The following SETD2 variants were observed in gnomAD, a reference collection of about 807,000 sequenced individuals.
SETD2 encodes the protein SET domain containing 2, histone lysine methyltransferase.
SETD2 carries 31 observed loss-of-function variants against 242.1 expected under a neutral mutation model. That is an observed-to-expected ratio of 0.13 (90% CI 0.10 to 0.17). The LOEUF is 0.17. Ranked by LOEUF, SETD2 falls within the 10% of genes least tolerant of loss-of-function variation. SETD2 has a pLI of 1.00. For missense variants in SETD2, 2,481 were observed against 3,046.3 expected, an observed-to-expected ratio of 0.81 and a Z score of 4.37; for synonymous variants, 1,006 against 1,066.5, an observed-to-expected ratio of 0.94 and a Z score of 1.11.
At chr3:47,089,340 A>G (rs1037650890) in intron 9 of SETD2, among the ~76,000 whole-genome samples, 1 of 152,112 alleles carries the variant, frequency 6.6e-6, no homozygotes, top group Non-Finnish European at 1.5e-5. Context: ...TCAGCTATTC[A>G]GGAGGCTGAG....
chr3:47,076,542 A>G (rs978257485), intron 12 of SETD2, among the ~76,000 whole-genome samples: 3 of 152,230 alleles, frequency 2.0e-5, no homozygotes, highest in African/African-American at 7.2e-5. Flanking sequence ...ATGCCACAAT[A>G]AAAGTAACTC....
At chr3:47,070,641 CCA>C (rs1479875035) in intron 12 of SETD2, among the ~76,000 whole-genome samples, 1 of 152,152 alleles carries the variant, frequency 6.6e-6, no homozygotes, top group Non-Finnish European at 1.5e-5. Flanking sequence ...CATCCATAGG[CCA>C]CAGAGTCTGT....
chr3:47,101,344 AGAGTT>A (rs1428572798), intron 8 of SETD2, 109 bp downstream of exon 8: 28 of 623,488 alleles, frequency 4.5e-5, no homozygotes, highest in African/African-American at 4.1e-4. Flanking sequence ...CTTATAGATA[AGAGTT>A]AAGAGTAAAT....
Position 47,043,045 on chromosome 3 carries a change from A to G in SETD2, c.7099-345T>C, listed in dbSNP as rs554427664. Among the ~76,000 whole-genome samples, 7 of 151,952 alleles carry G rather than the reference A, an allele frequency of 4.6e-5. 1 individual carries two copies. The South Asian group carries it at 1.2e-3, about 27-fold the overall frequency. On this transcript the variant is annotated intron_variant, in intron 16 of 20. Coordinates refer to ENST00000409792, the MANE Select transcript of SETD2 (RefSeq NM_014159.7). ...AAATATCTTTATCTTTAAAAAAAAAAAAAAAGAAAAACCAAAAAACCCCCT... is the reference window on the plus strand; with the variant it reads ...AAATATCTTTATCTTTAAAAAAAAAGAAAAAGAAAAACCAAAAAACCCCCT...
chr3:47,032,290 T>C (rs573405768), intron 18 of SETD2, among the ~76,000 whole-genome samples: 44 of 150,456 alleles, frequency 2.9e-4, no homozygotes, highest in Non-Finnish European at 5.6e-4. Flanking sequence ...AACAGGAAAA[T>C]TGCTTGACAC....
At chr3:47,105,202 GAGTTCAAGACCAGC>G (rs2042361728) in intron 6 of SETD2, among the ~76,000 whole-genome samples, 1 of 152,016 alleles carries the variant, frequency 6.6e-6, no homozygotes, top group Admixed American at 6.6e-5. Context: ...TTGAGGCCAG[GAGTTCAAGACCAGC>G]CTGGCCAACA....
In SETD2 at chr3:47,019,817, T is replaced by C. The variant is rs775487978; in HGVS notation, c.7374A>G (p.Ala2458=). 1.5e-5 allele frequency: 25 copies of C among 1,613,974 alleles called. No individual in the cohort carries two copies. The Admixed American group carries it at 4.2e-4, about 27-fold the overall frequency. ...CTAGTTCACTGGAGGTGTCTGCTTC[T>C]GCTGTCTTGGGCTTTTTCGAGGCCT... ...PMKASKKPKT[A]EADTSSELAK... Residue 2458 remains alanine (A), a synonymous_variant, in exon 19 of 21, where the codon GCA becomes GCG. Transcript: ENST00000409792.
intron 13 of SETD2, among the ~76,000 whole-genome samples, chr3:47,063,860 G>GAA (rs2107593829): frequency 6.6e-6 from 1 of 152,174 alleles, no homozygotes; most frequent in East Asian, 1.9e-4. Flanking sequence ...GCAGGTGCCT[G>GAA]TAATCCTAGC....
chr3:47,120,669 T>G lies in SETD2; in HGVS notation c.3967A>C (p.Thr1323Pro), dbSNP rs1575810763. The change falls in exon 3 of 21, where the codon ACT becomes CCT. Residue 1323 changes from threonine (T) to proline (P), a missense_variant. Thr to Pro is a conservative substitution (Grantham distance 38). Coordinates refer to ENST00000409792, the MANE Select transcript of SETD2 (RefSeq NM_014159.7). ...AGGGAATCTGGTACTTGTCCTTGAGTTCGATCATACACAACCCCAGTTCCA... is the reference window on the plus strand; with the variant it reads ...AGGGAATCTGGTACTTGTCCTTGAGGTCGATCATACACAACCCCAGTTCCA... The part of the protein sequence containing the change: ...PPGTGVVYDR[T>P]QGQVPDSLTD... 2 of 1,614,020 alleles carry G rather than the reference T, an allele frequency of 1.2e-6. No individual in the cohort carries two copies. Among genetic ancestry groups the G allele is most frequent in the African/African-American group, 2.7e-5 (2 of 74,924 alleles).
intron 14 of SETD2, among the ~76,000 whole-genome samples, chr3:47,061,028 C>T (rs905065346): frequency 6.6e-6 from 1 of 152,162 alleles, no homozygotes; most frequent in East Asian, 1.9e-4. Flanking sequence ...ACCATCCTGG[C>T]TAAAATGGTG....
At position 47,016,950 on chromosome 3, in the gene SETD2, G is replaced by C; in HGVS notation, c.*143C>G. ...GAGTTCATTTTTGTGGCCTTCAGTT[G>C]ACATCTGCAGGGTTGAATTCCCCAG... On this transcript the variant is annotated 3_prime_UTR_variant, in exon 21 of 21. Transcript: ENST00000409792. 2 of 765,742 alleles carry C rather than the reference G, an allele frequency of 2.6e-6. No homozygotes were observed. Among genetic ancestry groups the C allele is most frequent in the Non-Finnish European group, 4.3e-6 (2 of 470,172 alleles). 47.4% of individuals were successfully genotyped at this position (765,742 alleles called of 1,614,324 possible). A position where few individuals can be genotyped will look rare whatever the true frequency, so the allele number is the denominator to read the frequency against.
At chr3:47,049,727 C>CTA (rs1280760798) in intron 15 of SETD2, among the ~76,000 whole-genome samples, 8 of 47,780 alleles carry the variant, frequency 1.7e-4, no homozygotes, top group Non-Finnish European at 4.0e-4. Context: ...TAAACTTATT[C>CTA]TGAGTTTATA....
intron 1 of SETD2, among the ~76,000 whole-genome samples, chr3:47,160,688 T>C (rs994086918): frequency 2.0e-5 from 3 of 152,176 alleles, no homozygotes; most frequent in African/African-American, 7.2e-5. Flanking sequence ...TGTACACCAA[T>C]TACCCTTAGT....
chr3:47,131,489 GC>G (rs1279805478), intron 1 of SETD2, among the ~76,000 whole-genome samples: 1 of 151,668 alleles, frequency 6.6e-6, no homozygotes, highest in Non-Finnish European at 1.5e-5. Flanking sequence ...GACTACAGGC[GC>G]CCACCACCAC....
rs2107651298 is a variant in SETD2 at position 47,088,181 on chromosome 3, T to A, written c.5209A>T (p.Ser1737Cys). 6.2e-7 allele frequency: 1 copy of A among 1,613,978 alleles called. No homozygotes were observed. The highest frequency in any genetic ancestry group is 8.5e-7 in the Non-Finnish European group (1 of 1,179,962). Residue 1737 changes from serine (S) to cysteine (C), a missense_variant, in exon 10 of 21, where the codon AGC (serine) becomes TGC (cysteine). Physicochemically the swap from Ser to Cys is moderately radical, Grantham distance 112 (BLOSUM62 -1). Transcript: ENST00000409792. ...ATTCTAACCATTAGCCGGGATAAGC[T>A]GAGCACCTGGTTTTTATCAGAGAGA... Reference protein sequence around the residue: ...EGLSDKNQVLSLSRLMVRIET... With the variant: ...EGLSDKNQVLCLSRLMVRIET...
At chr3:47,041,514 G>A (rs1327415312) in intron 17 of SETD2, 1 of 256,556 alleles carries the variant, frequency 3.9e-6, no homozygotes, top group Non-Finnish European at 7.9e-6. Flanking sequence ...AAATTTTAAA[G>A]AAAAAATTCC....
At chr3:47,134,715 C>T (rs555565051) in intron 1 of SETD2, among the ~76,000 whole-genome samples, 3 of 152,032 alleles carry the variant, frequency 2.0e-5, no homozygotes, top group South Asian at 2.1e-4. Context: ...CTGCAATCTC[C>T]GCCTCCCAAG....
Position 47,121,240 on chromosome 3 carries a change from G to A in SETD2, c.3396C>T (p.Phe1132=), listed in dbSNP as rs2106643553. 1 of 1,614,038 alleles carries A rather than the reference G, an allele frequency of 6.2e-7. No individual in the cohort carries two copies. Among genetic ancestry groups the A allele is most frequent in the Non-Finnish European group, 8.5e-7 (1 of 1,179,994 alleles). Residue 1132 remains phenylalanine (F), a synonymous_variant, in exon 3 of 21, where the codon TTC becomes TTT. Transcript: ENST00000409792. ...GATTCTTCTCTGTTCCTTTATGAAG[G>A]AAAAACTTATCAGTTTGAGGACAGG... ...SKACPQTDKF[F]LHKGTEKNPE...
chr3:47,057,148 A>C lies in SETD2; in HGVS notation c.6636T>G (p.His2212Gln). ...GAGGGGCAGAAAGGGGTTCTGTAGA[A>C]TGTCCCACCAAGGGCTGAGCATGAT... ...PYDHAQPLVG[H>Q]STEPLSAPPP... Residue 2212 changes from histidine (H) to glutamine (Q), a missense_variant, in exon 15 of 21, where the codon CAT becomes CAG. This residue lies in a region of SETD2 where 235 missense variants were observed against 293.9 expected (regional missense o/e 0.80). Coordinates refer to ENST00000409792, the MANE Select transcript of SETD2 (RefSeq NM_014159.7). 6.2e-7 allele frequency: 1 copy of C among 1,614,100 alleles called. No individual in the cohort carries two copies. Among genetic ancestry groups the C allele is most frequent in the South Asian group, 1.1e-5 (1 of 91,078 alleles).
Sources: gnomAD v4.1 joint callset for allele counts (sites outside exome capture counted in the v4.1 genomes callset) on GRCh38, gnomAD v4.1.1 for gene constraint, gnomAD v4.1.1 regional missense constraint, MANE v1.5 for transcripts, NCBI Gene and HGNC (gene_info 2026-07-23, HGNC 2026-07-21) for gene names.